CAMSAP1: variants seen among roughly 807,000 people sequenced by gnomAD.
CAMSAP1 encodes the protein calmodulin-regulated spectrin-associated protein 1.
CAMSAP1 carries 58 observed loss-of-function variants against 143.5 expected under a neutral mutation model. The ratio of observed to expected loss-of-function variants is 0.40; its 90% CI spans 0.33 to 0.50. CAMSAP1 has a LOEUF of 0.50. Among genes scored for constraint, CAMSAP1 ranks in the 20% least tolerant of loss-of-function variants. The probability of loss-of-function intolerance (pLI) is 0.45; values close to 1 mark genes in which losing one functional copy is unlikely to be tolerated. For synonymous variants in CAMSAP1, 945 were observed against 859.3 expected, an observed-to-expected ratio of 1.10 and a Z score of -1.74; for missense variants, 1,969 against 2,115.7, an observed-to-expected ratio of 0.93 and a Z score of 1.36.
At position 135,840,582 on chromosome 9, in the gene CAMSAP1, C is replaced by T. The variant is rs181321560; in HGVS notation, c.1045+9555G>A. Among the ~76,000 whole-genome samples the T allele has an allele frequency of 5.9e-5, 9 of 152,300 alleles. No individual in the cohort carries two copies. In the East Asian group the frequency reaches 1.7e-3, roughly 29 times the overall value. ...GTGAAGAAAGGCAGGAGGAAGGTGG[C>T]TGGCAAGATCAAACAGCTCCAATCT... On this transcript the variant is annotated intron_variant, in intron 7 of 16. Transcript: ENST00000389532.
intron 8 of CAMSAP1, among the ~76,000 whole-genome samples, chr9:135,825,862 C>T (rs982082789): frequency 6.6e-6 from 1 of 152,150 alleles, no homozygotes; most frequent in Non-Finnish European, 1.5e-5. Flanking sequence ...AGGACACAGA[C>T]ACCAAAGAGA....
chr9:135,858,113 T>C (rs1028267932), intron 5 of CAMSAP1, among the ~76,000 whole-genome samples: 3 of 151,460 alleles, frequency 2.0e-5, no homozygotes, highest in Non-Finnish European at 4.4e-5. Context: ...GATGAGCCTC[T>C]TTGCGTCCCC....
intron 14 of CAMSAP1, among the ~76,000 whole-genome samples, chr9:135,816,576 C>T (rs1835237360): frequency 6.6e-6 from 1 of 152,206 alleles, no homozygotes; most frequent in South Asian, 2.1e-4. Flanking sequence ...GGGAGGCAGA[C>T]AGAGCTGGAG....
chr9:135,854,559 C>T (rs760408394), intron 5 of CAMSAP1, among the ~76,000 whole-genome samples: 9 of 151,800 alleles, frequency 5.9e-5, no homozygotes, highest in Non-Finnish European at 1.2e-4. Flanking sequence ...GCCTCCTGAG[C>T]TCAAGTGATC....
intron 16 of CAMSAP1, among the ~76,000 whole-genome samples, chr9:135,812,947 C>T (rs1363813700): frequency 6.6e-6 from 1 of 150,502 alleles, no homozygotes; most frequent in Non-Finnish European, 1.5e-5. Flanking sequence ...CAGAGTGAGA[C>T]TCCATCTCAA....
At position 135,840,767 on chromosome 9, in the gene CAMSAP1, A is replaced by G. The variant is rs549389162; in HGVS notation, c.1045+9370T>C. On this transcript the variant is annotated intron_variant, in intron 7 of 16. Transcript: ENST00000389532. The stretch of plus-strand genomic sequence containing the variant: ...ACCCAGGAAGCACAATGGGTCGGGG[A>G]ACTCCCTCTTCCAGCCAAGGGAAGC... Among the ~76,000 whole-genome samples the G allele has an allele frequency of 2.0e-5, 3 of 152,248 alleles. No homozygotes were observed. In the East Asian group the frequency reaches 5.8e-4, roughly 29 times the overall value.
chr9:135,882,475 C>A lies in CAMSAP1; in HGVS notation c.423+341G>T, dbSNP rs1837992061. On this transcript the variant is annotated intron_variant, in intron 2 of 16. Coordinates refer to ENST00000389532, the MANE Select transcript of CAMSAP1 (RefSeq NM_015447.4). This position sits in a 1 kb window ranked among gnomAD's most constrained non-coding sequence, Gnocchi z 4.9. ...CTGAGTTATTTTAGCACAAAGTATG[C>A]ATGAAACAACCTAACAGAATGGGTG... Among the ~76,000 whole-genome samples, 1 of 152,188 alleles carries A rather than the reference C, an allele frequency of 6.6e-6. No individual in the cohort carries two copies. The highest frequency in any genetic ancestry group is 2.4e-5 in the African/African-American group (1 of 41,452).
intron 14 of CAMSAP1, among the ~76,000 whole-genome samples, chr9:135,817,268 G>A (rs921576902): frequency 2.0e-5 from 3 of 152,212 alleles, no homozygotes; most frequent in African/African-American, 7.2e-5. Context: ...CCGCAAATCG[G>A]ATGAAAGTGC....
chr9:135,865,286 C>T, intron 4 of CAMSAP1: 1 of 1,545,292 alleles, frequency 6.5e-7, no homozygotes. Flanking sequence ...GTGATCGCGA[C>T]AGGATGGCTC....
chr9:135,834,082 G>A (rs1835938236), intron 7 of CAMSAP1, among the ~76,000 whole-genome samples: 1 of 152,178 alleles, frequency 6.6e-6, no homozygotes, highest in Non-Finnish European at 1.5e-5. Flanking sequence ...CAGTCATCAG[G>A]GAGTGCAAAT....
chr9:135,844,361 T>C (rs1836474664), intron 7 of CAMSAP1, among the ~76,000 whole-genome samples: 2 of 152,056 alleles, frequency 1.3e-5, no homozygotes, highest in South Asian at 4.1e-4. Flanking sequence ...ACTGGGTAAA[T>C]TACGAAATTA....
intron 1 of CAMSAP1, among the ~76,000 whole-genome samples, chr9:135,885,667 C>T (rs574777960): frequency 6.6e-6 from 1 of 152,248 alleles, no homozygotes; most frequent in South Asian, 2.1e-4. Flanking sequence ...ATAGGGTGAC[C>T]CACTTTTAAA....
At chr9:135,846,759 G>T (rs979282464) in intron 7 of CAMSAP1, among the ~76,000 whole-genome samples, 1 of 149,566 alleles carries the variant, frequency 6.7e-6, no homozygotes, top group African/African-American at 2.5e-5. Context: ...AGACATATAT[G>T]CGGCCGACAA....
rs1836048432 is a variant in CAMSAP1 at position 135,836,525 on chromosome 9, C to T, written c.1046-8941G>A. On this transcript the variant is annotated intron_variant, in intron 7 of 16. Transcript: ENST00000389532. The stretch of plus-strand genomic sequence containing the variant: ...CACCACGCACTTTCCACCCATTCCG[C>T]AGCCACACAGTCATGTACCTTCTAC... 4 of 982,130 alleles carry T rather than the reference C, an allele frequency of 4.1e-6. No individual in the cohort carries two copies. In the South Asian group the frequency reaches 1.9e-4, roughly 46 times the overall value. The allele number at this position is 982,130 out of a possible 1,614,324, so 60.8% of individuals were successfully genotyped here.
chr9:135,879,327 A>T (rs1837856017), intron 3 of CAMSAP1, among the ~76,000 whole-genome samples: 1 of 152,200 alleles, frequency 6.6e-6, no homozygotes, highest in Non-Finnish European at 1.5e-5. Flanking sequence ...GGCCAGCAAC[A>T]GCCTGAAAAG....
chr9:135,866,782 C>T (rs924681406), intron 3 of CAMSAP1, among the ~76,000 whole-genome samples: 6 of 152,194 alleles, frequency 3.9e-5, no homozygotes, highest in African/African-American at 1.4e-4. Flanking sequence ...GCAGTGCTCC[C>T]CCGTCACTGC....
At position 135,826,955 on chromosome 9, in the gene CAMSAP1, C is replaced by G. The variant is rs1385857976; in HGVS notation, c.1223+452G>C. 6.6e-6 allele frequency among the ~76,000 whole-genome samples: 1 copy of G among 152,222 alleles called. No homozygotes were observed. The highest frequency in any genetic ancestry group is 1.5e-5 in the Non-Finnish European group (1 of 68,036). On this transcript the variant is annotated intron_variant, in intron 8 of 16. Coordinates refer to ENST00000389532, the MANE Select transcript of CAMSAP1 (RefSeq NM_015447.4). The surrounding 1 kb of genome is among the most constrained non-coding windows in gnomAD (Gnocchi z 4.4). ...AGTTTAGCCTTTAAGCAGCTCTATACACTTTTTCACTCGAATCAAATTAAT... is the reference window on the plus strand; with the variant it reads ...AGTTTAGCCTTTAAGCAGCTCTATAGACTTTTTCACTCGAATCAAATTAAT...
chr9:135,857,394 C>G (rs1456261668), intron 5 of CAMSAP1, among the ~76,000 whole-genome samples: 1 of 152,182 alleles, frequency 6.6e-6, no homozygotes, highest in Non-Finnish European at 1.5e-5. Context: ...CCAAATATTT[C>G]CTTCCCAAGA....
Position 135,824,843 on chromosome 9 carries a change from A to C in CAMSAP1, c.1261T>G (p.Leu421Val). 6.2e-7 allele frequency: 1 copy of C among 1,604,564 alleles called. No individual in the cohort carries two copies. The highest frequency in any genetic ancestry group is 8.5e-7 in the Non-Finnish European group (1 of 1,175,576). The change falls in exon 9 of 17, where the codon TTA (leucine) becomes GTA (valine). Residue 421 changes from leucine to valine, a missense_variant. Transcript: ENST00000389532. This position sits in a 1 kb window ranked among gnomAD's most constrained non-coding sequence, Gnocchi z 4.1. ...TGCTGTTTCTGTCTCAGTGGCAATA[A>C]AGGATGGGATGGGCTGAAGGCAGCA... ...GTAAFSPSHP[L>V]LPLRQKQQKS...
Sources: gnomAD v4.1 joint callset for allele counts (sites outside exome capture counted in the v4.1 genomes callset) on GRCh38, gnomAD v4.1.1 for gene constraint, Gnocchi (gnomAD v3.1) non-coding constraint, MANE v1.5 for transcripts, NCBI Gene and HGNC (gene_info 2026-07-23, HGNC 2026-07-21) for gene names.